Variants in PLCB1 observed in about 807,000 individuals in gnomAD.
The protein encoded by PLCB1 is 1-phosphatidylinositol 4,5-bisphosphate phosphodiesterase beta-1.
A neutral mutation model predicts 161.8 loss-of-function variants in PLCB1; 46 were observed. The observed-to-expected ratio is 0.28, with a 90% CI of 0.22 to 0.36. The LOEUF (loss-of-function observed/expected upper bound fraction) is 0.36, where lower values mean the gene tolerates loss of function less well. Among genes scored for constraint, PLCB1 ranks in the 10% least tolerant of loss-of-function variants. The pLI is 1.00. For synonymous variants in PLCB1, 517 were observed against 503.7 expected (o/e 1.03, Z -0.35); for missense variants, 1,016 against 1,472.5 (o/e 0.69, Z 5.07).
chr20:8,563,376 G>A (rs1309745789), intron 3 of PLCB1, among the ~76,000 whole-genome samples: 9 of 151,986 alleles, frequency 5.9e-5, no homozygotes, highest in Admixed American at 5.9e-4. Context: ...ACAGCAGGAA[G>A]ATTCAAGACC....
intron 4 of PLCB1, among the ~76,000 whole-genome samples, chr20:8,638,179 C>A (rs555655802): frequency 6.6e-6 from 1 of 152,302 alleles, no homozygotes; most frequent in East Asian, 1.9e-4. Context: ...CAGGCGTGAG[C>A]CACCGCACCC....
intron 3 of PLCB1, among the ~76,000 whole-genome samples, chr20:8,523,084 CCT>C (rs755416020): frequency 1.1e-4 from 17 of 152,142 alleles, no homozygotes; most frequent in Non-Finnish European, 2.2e-4. Context: ...TGCTCATCAT[CCT>C]CTACAGAAGT....
At chr20:8,345,450 A>G (rs1323688341) in intron 2 of PLCB1, among the ~76,000 whole-genome samples, 1 of 152,182 alleles carries the variant, frequency 6.6e-6, no homozygotes, top group Non-Finnish European at 1.5e-5. Context: ...TGAATGAGCC[A>G]TAGTCCTACT....
intron 3 of PLCB1, among the ~76,000 whole-genome samples, chr20:8,600,994 ACTGT>A (rs1174846360): frequency 2.0e-5 from 3 of 152,022 alleles, no homozygotes; most frequent in Non-Finnish European, 1.5e-5. Context: ...ACCTGCGCCC[ACTGT>A]CTGGCACTCC....
chr20:8,277,361 T>TAGG (rs548918306), intron 2 of PLCB1, among the ~76,000 whole-genome samples: 65 of 151,620 alleles, frequency 4.3e-4, no homozygotes, highest in African/African-American at 7.5e-4. Flanking sequence ...TTATTGTACT[T>TAGG]GATGATTTAT....
chr20:8,451,014 G>C (rs1465096150), intron 3 of PLCB1, among the ~76,000 whole-genome samples: 2 of 152,202 alleles, frequency 1.3e-5, no homozygotes, highest in African/African-American at 4.8e-5. Flanking sequence ...AATAAGGCAA[G>C]ATTCTAACTG....
chr20:8,813,277 T>C (rs1300172357), intron 31 of PLCB1, among the ~76,000 whole-genome samples: 2 of 152,222 alleles, frequency 1.3e-5, no homozygotes, highest in African/African-American at 2.4e-5. Context: ...TTGGCAAGAT[T>C]TTTAGGCAAA....
intron 27 of PLCB1, among the ~76,000 whole-genome samples, chr20:8,779,410 A>G (rs2146209084): frequency 6.6e-6 from 1 of 151,520 alleles, no homozygotes; most frequent in South Asian, 2.1e-4. Flanking sequence ...TAACTCTATC[A>G]ATCGATAAGC....
At position 8,468,169 on chromosome 20, in the gene PLCB1, T is replaced by C. The variant is rs184700033; in HGVS notation, c.246+96719T>C. Among the ~76,000 whole-genome samples, 19 of 152,294 alleles carry C rather than the reference T, an allele frequency of 1.2e-4. No individual in the cohort carries two copies. In the East Asian group the frequency reaches 3.1e-3, roughly 25 times the overall value. ...AGTTTTCCCCTGGGACTGGGAAATA[T>C]TGACTGGAAGAAGCGTGAGGGAGCC... is the stretch of plus-strand genomic sequence containing the variant. On this transcript the variant is annotated intron_variant, in intron 3 of 31. Coordinates refer to ENST00000338037, the MANE Select transcript of PLCB1 (RefSeq NM_015192.4).
chr20:8,785,480 C>T (rs1027060612), intron 27 of PLCB1, among the ~76,000 whole-genome samples: 1 of 152,108 alleles, frequency 6.6e-6, no homozygotes, highest in Non-Finnish European at 1.5e-5. Context: ...TAATAAATAT[C>T]CATTGCATCG....
At chr20:8,182,621 C>A (rs910581723) in intron 2 of PLCB1, among the ~76,000 whole-genome samples, 2 of 149,558 alleles carry the variant, frequency 1.3e-5, no homozygotes, top group African/African-American at 2.5e-5. Flanking sequence ...TACTCTATTG[C>A]CCAGACTGGA....
At chr20:8,448,043 G>A (rs1320372456) in intron 3 of PLCB1, among the ~76,000 whole-genome samples, 3 of 152,180 alleles carry the variant, frequency 2.0e-5, no homozygotes, top group African/African-American at 7.2e-5. Context: ...CTGTTCAGAT[G>A]CTTTGGCCTG....
intron 3 of PLCB1, among the ~76,000 whole-genome samples, chr20:8,591,967 C>T (rs146880991): frequency 1.3e-5 from 2 of 152,134 alleles, no homozygotes; most frequent in African/African-American, 2.4e-5. Context: ...GCATATACAT[C>T]GTGAGATATC....
rs1404830028 is a variant in PLCB1, at chr20:8,446,481, C to T, written c.246+75031C>T. On this transcript the variant is annotated intron_variant, in intron 3 of 31. Coordinates refer to ENST00000338037, the MANE Select transcript of PLCB1 (RefSeq NM_015192.4). ...TGAATGGGCAAAAACTGAAAGCATTCCCTTTGAAAACTGGCACAAGACAGG... is the reference window on the plus strand; with the variant it reads ...TGAATGGGCAAAAACTGAAAGCATTTCCTTTGAAAACTGGCACAAGACAGG... Among the ~76,000 whole-genome samples the T allele has an allele frequency of 3.3e-5, 5 of 152,248 alleles. No homozygotes were observed. The South Asian group carries it at 6.2e-4, about 19-fold the overall frequency.
rs573693553 is a variant in PLCB1 at position 8,149,580 on chromosome 20, T to C, written c.100-714T>C. Among the ~76,000 whole-genome samples the C allele has an allele frequency of 3.9e-5, 6 of 152,300 alleles. No individual in the cohort carries two copies. The South Asian group carries it at 1.2e-3, about 32-fold the overall frequency. ...TGCAATTCCTGCAAAGGCCTGAGTGTTTCAGTATAAAAATCCATATCCAGT... is the reference window on the plus strand; with the variant it reads ...TGCAATTCCTGCAAAGGCCTGAGTGCTTCAGTATAAAAATCCATATCCAGT... On this transcript the variant is annotated intron_variant, in intron 1 of 31. Transcript: ENST00000338037.
At chr20:8,879,097 A>G (rs548608754) in intron 31 of PLCB1, among the ~76,000 whole-genome samples, 25 of 152,164 alleles carry the variant, frequency 1.6e-4, no homozygotes, top group Non-Finnish European at 3.4e-4. Flanking sequence ...GCTTAGGATA[A>G]TGGCCTCCAG....
At chr20:8,379,263 C>T (rs1171145823) in intron 3 of PLCB1, among the ~76,000 whole-genome samples, 1 of 152,130 alleles carries the variant, frequency 6.6e-6, no homozygotes, top group Non-Finnish European at 1.5e-5. Flanking sequence ...CATCCATGTC[C>T]CTGCAAAAGA....
At chr20:8,574,567 T>G (rs901606787) in intron 3 of PLCB1, among the ~76,000 whole-genome samples, 2 of 152,196 alleles carry the variant, frequency 1.3e-5, no homozygotes, top group African/African-American at 4.8e-5. Flanking sequence ...TTGAAGAAGT[T>G]CCCAGGGAAC....
intron 2 of PLCB1, among the ~76,000 whole-genome samples, chr20:8,257,299 C>T (rs369191764): frequency 2.6e-5 from 4 of 151,994 alleles, no homozygotes; most frequent in East Asian, 3.9e-4. Flanking sequence ...TTTTACACAA[C>T]TGTTTCTTAT....
Sources: gnomAD v4.1 joint callset for allele counts (sites outside exome capture counted in the v4.1 genomes callset) on GRCh38, gnomAD v4.1.1 for gene constraint, MANE v1.5 for transcripts, NCBI Gene and HGNC (gene_info 2026-07-23, HGNC 2026-07-21) for gene names.